Variants in RBM20 observed in about 807,000 individuals in gnomAD.
RBM20 encodes RNA-binding protein 20.
Under a neutral mutation model 110.1 loss-of-function variants are expected in RBM20, and 51 were observed. That is an observed-to-expected ratio of 0.46 (90% CI 0.37 to 0.59). The LOEUF (loss-of-function observed/expected upper bound fraction) is 0.59. RBM20 is among the 20% of genes least tolerant of loss of function. The pLI, the probability that RBM20 is intolerant of heterozygous loss-of-function variation, is 0.00. For missense variants in RBM20, 1,512 were observed against 1,574.9 expected (o/e 0.96, Z 0.68); for synonymous variants, 589 against 618.2 (o/e 0.95, Z 0.70).
At chr10:110,832,009 A>G (rs1042688575) in intron 13 of RBM20, among the ~76,000 whole-genome samples, 2 of 152,254 alleles carry the variant, frequency 1.3e-5, no homozygotes, top group Non-Finnish European at 2.9e-5. Context: ...TCAAGTGATG[A>G]GACTCCATCA....
At position 110,812,526 on chromosome 10, in the gene RBM20, A is replaced by G; in HGVS notation, c.2129A>G (p.Asp710Gly). 6.4e-7 allele frequency: 1 copy of G among 1,551,710 alleles called. No individual in the cohort carries two copies. Among genetic ancestry groups the G allele is most frequent in the South Asian group, 1.2e-5 (1 of 84,056 alleles). Residue 710 changes from aspartate (D) to glycine (G), a missense_variant, in exon 9 of 14, where the codon GAT (aspartate) becomes GGT (glycine). Physicochemically the swap from Asp to Gly is moderately conservative, Grantham distance 94. Transcript: ENST00000369519. The stretch of plus-strand genomic sequence containing the variant: ...GACAGGATGGACCCCTGGGCACATG[A>G]TCGCAAACACCACCCCCGGCAACTG... ...KRDRMDPWAH[D>G]RKHHPRQLDK...
chr10:110,709,623 G>A (rs908569582), intron 1 of RBM20, among the ~76,000 whole-genome samples: 5 of 149,760 alleles, frequency 3.3e-5, no homozygotes, highest in Non-Finnish European at 4.4e-5. Context: ...CTGGAGTGCA[G>A]TGTTATGATC....
chr10:110,702,617 C>G (rs1423648272), intron 1 of RBM20, among the ~76,000 whole-genome samples: 3 of 152,240 alleles, frequency 2.0e-5, no homozygotes, highest in Admixed American at 6.5e-5. Flanking sequence ...ATGCTTTCCC[C>G]TGGGTGTTGG....
intron 1 of RBM20, among the ~76,000 whole-genome samples, chr10:110,738,131 A>G (rs760695405): frequency 6.6e-6 from 1 of 152,214 alleles, no homozygotes; most frequent in African/African-American, 2.4e-5. Flanking sequence ...TGTGATTGCC[A>G]TGGAGGTAAG....
chr10:110,792,657 T>C (rs754549611), intron 5 of RBM20, among the ~76,000 whole-genome samples: 1 of 152,134 alleles, frequency 6.6e-6, no homozygotes, highest in Non-Finnish European at 1.5e-5. Flanking sequence ...TTGACATGAG[T>C]CTGTTCTCAG....
chr10:110,644,553 G>T lies in RBM20; in HGVS notation c.99G>T (p.Pro33=). The T allele has an allele frequency of 6.6e-7, 1 of 1,525,940 alleles. No homozygotes were observed. The highest frequency in any genetic ancestry group is 8.8e-7 in the Non-Finnish European group (1 of 1,140,210). The allele number at this position is 1,525,940 out of a possible 1,614,324, so 94.5% of individuals were successfully genotyped here. The stretch of plus-strand genomic sequence containing the variant: ...GTGTGCCTGGTGCCCGGGCGTCCCC[G>T]GCACCCTCCGGCCCGCGAGGGATGC... ...ACSVPGARAS[P]APSGPRGMQQ... Residue 33 remains proline (P), a synonymous_variant, in exon 1 of 14, where the codon CCG becomes CCT. Transcript: ENST00000369519. The surrounding 1 kb of genome is among the most constrained non-coding windows in gnomAD (Gnocchi z 4.3).
chr10:110,788,695 T>C (rs1844449689), intron 5 of RBM20, among the ~76,000 whole-genome samples: 1 of 152,182 alleles, frequency 6.6e-6, no homozygotes, highest in South Asian at 2.1e-4. Context: ...AATGGAGAAA[T>C]GATTAATCCA....
intron 1 of RBM20, among the ~76,000 whole-genome samples, chr10:110,729,238 G>A (rs565600810): frequency 1.1e-4 from 16 of 152,204 alleles, no homozygotes; most frequent in Admixed American, 1.3e-4. Context: ...TCCTTTTCAC[G>A]TAACTACCAG....
intron 1 of RBM20, among the ~76,000 whole-genome samples, chr10:110,708,960 T>A (rs1299507167): frequency 6.6e-6 from 1 of 152,230 alleles, no homozygotes; most frequent in Admixed American, 6.5e-5. Context: ...TGGCGTCCAA[T>A]TTCACGAGGC....
intron 7 of RBM20, among the ~76,000 whole-genome samples, chr10:110,808,661 T>C (rs2135096387): frequency 6.6e-6 from 1 of 152,100 alleles, no homozygotes; most frequent in African/African-American, 2.4e-5. Context: ...AGAGGTGAGG[T>C]CCCTCCCTCA....
chr10:110,655,070 G>A (rs1862002331), intron 1 of RBM20, among the ~76,000 whole-genome samples: 1 of 152,098 alleles, frequency 6.6e-6, no homozygotes, highest in South Asian at 2.1e-4. Flanking sequence ...GTGGAATGGG[G>A]CTTGGAATAA....
intron 1 of RBM20, among the ~76,000 whole-genome samples, chr10:110,727,419 A>AAAAATAAAAAAAAT (rs377734576): frequency 2.0e-5 from 3 of 146,726 alleles, no homozygotes; most frequent in Non-Finnish European, 3.0e-5. Context: ...AAATAAAAAA[A>AAAAATAAAAAAAAT]AAATAAATAA....
At chr10:110,651,952 A>G (rs920694209) in intron 1 of RBM20, among the ~76,000 whole-genome samples, 8 of 152,266 alleles carry the variant, frequency 5.3e-5, no homozygotes, top group African/African-American at 1.4e-4. Flanking sequence ...AACCTTCTGC[A>G]TAAAAAGAGA....
chr10:110,777,546 C>T (rs951876325), intron 1 of RBM20, among the ~76,000 whole-genome samples: 2 of 152,082 alleles, frequency 1.3e-5, no homozygotes, highest in African/African-American at 4.8e-5. Context: ...TGAAAATTTC[C>T]TAGTCAAAGC....
At chr10:110,756,911 G>T (rs1421395018) in intron 1 of RBM20, among the ~76,000 whole-genome samples, 2 of 152,210 alleles carry the variant, frequency 1.3e-5, no homozygotes, top group Admixed American at 6.5e-5. Context: ...CACAAGTGAG[G>T]TTGGTGCATT....
chr10:110,768,240 G>GGAGGGAAAGGGA (rs1554897522), intron 1 of RBM20, among the ~76,000 whole-genome samples: 2 of 129,342 alleles, frequency 1.5e-5, no homozygotes, highest in African/African-American at 5.7e-5. Flanking sequence ...AGAGGGAGAG[G>GGAGGGAAAGGGA]GAGGGAAAGG....
chr10:110,794,370 C>T (rs1844522023), intron 5 of RBM20, among the ~76,000 whole-genome samples: 1 of 152,168 alleles, frequency 6.6e-6, no homozygotes. Context: ...ATTAATTTAT[C>T]TTTCTAACTG....
rs572796864 is a variant in RBM20 at position 110,710,352 on chromosome 10, G to T, written c.191+65707G>T. On this transcript the variant is annotated intron_variant, in intron 1 of 13. Transcript: ENST00000369519. ...ATCAGACACTTCTGTAGCATATACT[G>T]TGTGCTCGCACTTGCCTGAGCACTT... Among the ~76,000 whole-genome samples, 6 of 152,330 alleles carry T rather than the reference G, an allele frequency of 3.9e-5. No individual in the cohort carries two copies. The East Asian group carries it at 9.6e-4, about 24-fold the overall frequency.
At chr10:110,709,683 C>T (rs117892478) in intron 1 of RBM20, among the ~76,000 whole-genome samples, 3 of 151,600 alleles carry the variant, frequency 2.0e-5, no homozygotes, top group Non-Finnish European at 4.4e-5. Flanking sequence ...CCTCCCTTCT[C>T]AGCCTTCTGA....
Sources: gnomAD v4.1 joint callset for allele counts (sites outside exome capture counted in the v4.1 genomes callset) on GRCh38, gnomAD v4.1.1 for gene constraint, Gnocchi (gnomAD v3.1) non-coding constraint, MANE v1.5 for transcripts, NCBI Gene and HGNC (gene_info 2026-07-23, HGNC 2026-07-21) for gene names.